KDM5A: variants seen among roughly 807,000 people sequenced by gnomAD.
The protein encoded by KDM5A is lysine-specific demethylase 5A.
A neutral mutation model predicts 193.5 loss-of-function variants in KDM5A; 42 were observed. The ratio of observed to expected loss-of-function variants is 0.22; its 90% CI spans 0.17 to 0.28. The LOEUF (loss-of-function observed/expected upper bound fraction) is 0.28. Among genes scored for constraint, KDM5A ranks in the 10% least tolerant of loss-of-function variants. The probability of loss-of-function intolerance (pLI) is 1.00; values close to 1 mark genes in which losing one functional copy is unlikely to be tolerated. For missense variants in KDM5A, 1,692 were observed against 2,055.1 expected, an observed-to-expected ratio of 0.82 and a Z score of 3.42; for synonymous variants, 796 against 718.1, an observed-to-expected ratio of 1.11 and a Z score of -1.73.
At chr12:387,154 G>T (rs1050967742) in intron 1 of KDM5A, 10 of 261,522 alleles carry the variant, frequency 3.8e-5, no homozygotes, top group Non-Finnish European at 6.8e-5. Flanking sequence ...TTCAAGTGGG[G>T]TCTAAATAAC....
Position 321,044 on chromosome 12 carries a change from T to C in KDM5A, c.2492A>G (p.Gln831Arg). 3 of 1,614,216 alleles carry C rather than the reference T, an allele frequency of 1.9e-6. No individual in the cohort carries two copies. The highest frequency in any genetic ancestry group is 2.5e-6 in the Non-Finnish European group (3 of 1,180,018). ...LTVEELKAFV[Q>R]QLFSLPCVIS... The stretch of plus-strand genomic sequence containing the variant: ...GACACACGGAAGACTAAAAAGTTGT[T>C]GGACAAAGGCCTTCAATTCTTCCAC... Residue 831 changes from glutamine to arginine, a missense_variant, in exon 18 of 28, where the codon CAA becomes CGA. This residue lies in a region of KDM5A where 965 missense variants were observed against 1,061.0 expected (regional missense o/e 0.91). Coordinates refer to ENST00000399788, the MANE Select transcript of KDM5A (RefSeq NM_001042603.3).
chr12:312,182 G>A (rs1165350246), intron 20 of KDM5A, among the ~76,000 whole-genome samples: 1 of 152,114 alleles, frequency 6.6e-6, no homozygotes, highest in Non-Finnish European at 1.5e-5. Flanking sequence ...TATGATTCGA[G>A]TACACTTTTA....
At chr12:291,901 C>CT (rs199559800) in intron 27 of KDM5A, among the ~76,000 whole-genome samples, 3,609 of 129,888 alleles carry the variant, frequency 0.028, 65 homozygotes, top group Non-Finnish European at 0.037. Context: ...TAAAACAATG[C>CT]TTTTTTTTTT....
In KDM5A at chr12:364,402, G is replaced by A. The variant is rs572916429; in HGVS notation, c.538-1305C>T. The stretch of plus-strand genomic sequence containing the variant: ...TGAGGTAGGAGAATCACTTGAAACC[G>A]GGAGGCGGAGGCTGCAGTGAGCCGA... On this transcript the variant is annotated intron_variant, in intron 4 of 27. Transcript: ENST00000399788. Among the ~76,000 whole-genome samples, 51 of 151,730 alleles carry A rather than the reference G, an allele frequency of 3.4e-4. 1 individual carries two copies. The East Asian group carries it at 5.4e-3, about 16-fold the overall frequency.
intron 3 of KDM5A, among the ~76,000 whole-genome samples, chr12:368,440 A>G (rs761768007): frequency 1.8e-4 from 28 of 152,202 alleles, no homozygotes; most frequent in African/African-American, 2.9e-4. Context: ...CTTACTAGTT[A>G]TATGACCTTG....
chr12:299,903 G>C (rs1481560417), intron 24 of KDM5A, among the ~76,000 whole-genome samples: 2 of 144,240 alleles, frequency 1.4e-5, no homozygotes, highest in Non-Finnish European at 3.0e-5. Flanking sequence ...CCCAGTCTCT[G>C]ATAAAACAGA....
intron 24 of KDM5A, among the ~76,000 whole-genome samples, chr12:304,951 C>T (rs1053899212): frequency 1.3e-5 from 2 of 152,088 alleles, no homozygotes; most frequent in Admixed American, 1.3e-4. Context: ...GCATGGGTTG[C>T]ATTTCTTTTC....
chr12:287,332 C>T (rs1250496753), intron 27 of KDM5A, among the ~76,000 whole-genome samples: 2 of 152,022 alleles, frequency 1.3e-5, no homozygotes, highest in Non-Finnish European at 2.9e-5. Context: ...ATTCTAAATC[C>T]GATCATTGCT....
chr12:358,148 G>T (rs1944249414), intron 5 of KDM5A, among the ~76,000 whole-genome samples: 1 of 152,118 alleles, frequency 6.6e-6, no homozygotes, highest in Non-Finnish European at 1.5e-5. Flanking sequence ...AGAGCATCCT[G>T]ACAGATTCTG....
At chr12:338,570 T>C (rs1266790234) in intron 10 of KDM5A, among the ~76,000 whole-genome samples, 2 of 152,184 alleles carry the variant, frequency 1.3e-5, no homozygotes, top group Non-Finnish European at 2.9e-5. Flanking sequence ...ATCATAAGCA[T>C]GAGTCCTCCC....
At chr12:316,929 A>C (rs1267687719) in intron 19 of KDM5A, among the ~76,000 whole-genome samples, 1 of 152,194 alleles carries the variant, frequency 6.6e-6, no homozygotes, top group African/African-American at 2.4e-5. Context: ...AAGATACTTT[A>C]AATTTCAGTT....
At chr12:299,567 C>A (rs1387191675) in intron 24 of KDM5A, among the ~76,000 whole-genome samples, 1 of 152,128 alleles carries the variant, frequency 6.6e-6, no homozygotes, top group East Asian at 1.9e-4. Flanking sequence ...TGGAAAGGAA[C>A]AATCGGTACC....
chr12:312,918 G>A, intron 20 of KDM5A, 138 bp downstream of exon 20: 1 of 1,028,464 alleles, frequency 9.7e-7, no homozygotes, highest in Non-Finnish European at 1.5e-6. Context: ...CCATCATAAA[G>A]TCTAAAAATC....
chr12:324,840 T>G (rs1207144398), intron 14 of KDM5A, among the ~76,000 whole-genome samples: 3 of 150,798 alleles, frequency 2.0e-5, no homozygotes, highest in Non-Finnish European at 4.4e-5. Flanking sequence ...GCCACTGCAC[T>G]CCAGCCTGGG....
At chr12:345,244 T>G (rs561386298) in intron 10 of KDM5A, among the ~76,000 whole-genome samples, 1 of 152,208 alleles carries the variant, frequency 6.6e-6, no homozygotes, top group African/African-American at 2.4e-5. Flanking sequence ...ATGCACCCAA[T>G]ACAGGAGCAC....
At chr12:369,261 G>T (rs1351346242) in intron 3 of KDM5A, among the ~76,000 whole-genome samples, 1 of 152,132 alleles carries the variant, frequency 6.6e-6, no homozygotes, top group Non-Finnish European at 1.5e-5. Flanking sequence ...TTAGATAGAG[G>T]GCTGTCTGGA....
intron 3 of KDM5A, among the ~76,000 whole-genome samples, chr12:374,503 C>G (rs1194254478): frequency 6.6e-6 from 1 of 152,182 alleles, no homozygotes; most frequent in Non-Finnish European, 1.5e-5. Flanking sequence ...ATAAAGCACA[C>G]TGGTGGATCT....
At chr12:343,521 T>C (rs1944033416) in intron 10 of KDM5A, among the ~76,000 whole-genome samples, 1 of 152,024 alleles carries the variant, frequency 6.6e-6, no homozygotes, top group African/African-American at 2.4e-5. Flanking sequence ...CAACAGACAC[T>C]TCATATAGAC....
intron 27 of KDM5A, among the ~76,000 whole-genome samples, chr12:288,081 A>G (rs1943242994): frequency 6.6e-6 from 1 of 152,222 alleles, no homozygotes; most frequent in African/African-American, 2.4e-5. Flanking sequence ...AGCAAAAAAT[A>G]GTCCTTCTCT....
Sources: gnomAD v4.1 joint callset for allele counts (sites outside exome capture counted in the v4.1 genomes callset) on GRCh38, gnomAD v4.1.1 for gene constraint, gnomAD v4.1.1 regional missense constraint, MANE v1.5 for transcripts, NCBI Gene and HGNC (gene_info 2026-07-23, HGNC 2026-07-21) for gene names.